The following STK32A variants were observed in gnomAD, a reference collection of about 807,000 sequenced individuals.
The protein encoded by STK32A is serine/threonine kinase 32A, also known as serine/threonine-protein kinase 32A.
In STK32A, 41 loss-of-function variants were observed where a neutral mutation model predicts 53.2. That is an observed-to-expected ratio of 0.77 (90% CI 0.60 to 1.00). The LOEUF is 1.00. STK32A is among the 50% of genes least tolerant of loss of function. The pLI, the probability that STK32A is intolerant of heterozygous loss-of-function variation, is 0.00. For missense variants in STK32A, 458 were observed against 485.8 expected (o/e 0.94, Z 0.54); for synonymous variants, 166 against 162.8 (o/e 1.02, Z -0.15).
intron 4 of STK32A, among the ~76,000 whole-genome samples, chr5:147,318,748 C>T (rs1195980991): frequency 1.3e-5 from 2 of 150,048 alleles, no homozygotes; most frequent in Non-Finnish European, 2.9e-5. Context: ...TGCACTGCAG[C>T]CTGGATGACA....
chr5:147,258,926 T>TATC (rs1455221063), intron 2 of STK32A, among the ~76,000 whole-genome samples: 1 of 152,170 alleles, frequency 6.6e-6, no homozygotes, highest in Non-Finnish European at 1.5e-5. Flanking sequence ...TTTTTTTTAT[T>TATC]ATTATTATTA....
intron 2 of STK32A, among the ~76,000 whole-genome samples, chr5:147,255,395 C>G (rs1754184095): frequency 6.6e-6 from 1 of 152,138 alleles, no homozygotes; most frequent in Admixed American, 6.5e-5. Flanking sequence ...CATCTACTTA[C>G]GGATGCACAG....
At chr5:147,301,601 A>C (rs1753140282) in intron 4 of STK32A, among the ~76,000 whole-genome samples, 1 of 152,204 alleles carries the variant, frequency 6.6e-6, no homozygotes. Context: ...CATATTTTGT[A>C]AATGTGGAAA....
intron 4 of STK32A, among the ~76,000 whole-genome samples, chr5:147,308,362 C>T (rs1006979283): frequency 6.6e-6 from 1 of 152,012 alleles, no homozygotes; most frequent in Admixed American, 6.6e-5. Context: ...TGCTTATATA[C>T]TAAAATACAA....
At position 147,348,943 on chromosome 5, in the gene STK32A, G is replaced by A; in HGVS notation, c.473-2122G>A. ...AGAGAGGATAAGTGACGTTTTCAAG[G>A]TAACACAGCTAGTTAGTGGTAGAAC... On this transcript the variant is annotated intron_variant, in intron 6 of 12. Transcript: ENST00000397936. 6.1e-6 allele frequency: 3 copies of A among 494,964 alleles called. No homozygotes were observed. The South Asian group carries it at 6.4e-5, about 11-fold the overall frequency. 30.7% of individuals were successfully genotyped at this position (494,964 alleles called of 1,614,324 possible). A position where few individuals can be genotyped will look rare whatever the true frequency, so the allele number is the denominator to read the frequency against.
At chr5:147,242,234 G>A (rs936391265) in intron 2 of STK32A, among the ~76,000 whole-genome samples, 2 of 152,160 alleles carry the variant, frequency 1.3e-5, no homozygotes, top group Admixed American at 6.5e-5. Context: ...CCTCCCAAAG[G>A]TGCTAGGCTC....
At chr5:147,329,373 C>G (rs911666097) in intron 5 of STK32A, among the ~76,000 whole-genome samples, 2 of 152,158 alleles carry the variant, frequency 1.3e-5, no homozygotes, top group African/African-American at 4.8e-5. Context: ...AGAAAAAAAT[C>G]TTAGGAATAA....
intron 2 of STK32A, among the ~76,000 whole-genome samples, chr5:147,240,522 G>C (rs1423930436): frequency 6.6e-6 from 1 of 152,168 alleles, no homozygotes; most frequent in Admixed American, 6.5e-5. Context: ...TTACTTGCTA[G>C]GCCCAAGCAG....
intron 5 of STK32A, among the ~76,000 whole-genome samples, chr5:147,329,354 T>C (rs1754751755): frequency 6.6e-6 from 1 of 152,164 alleles, no homozygotes; most frequent in Admixed American, 6.5e-5. Context: ...ATCAGTACCT[T>C]GACAGTGAAG....
chr5:147,379,329 C>T (rs1206364971), intron 11 of STK32A, among the ~76,000 whole-genome samples: 1 of 151,788 alleles, frequency 6.6e-6, no homozygotes, highest in Non-Finnish European at 1.5e-5. Flanking sequence ...TGTGTGCAAC[C>T]ATGATTGAGA....
chr5:147,343,253 C>T, intron 6 of STK32A: 1 of 740,570 alleles, frequency 1.4e-6, no homozygotes, highest in Non-Finnish European at 2.5e-6. Context: ...ATTGAATTTA[C>T]CTAATGAGAA....
At chr5:147,325,401 C>A (rs193240076) in intron 5 of STK32A, among the ~76,000 whole-genome samples, 1 of 152,100 alleles carries the variant, frequency 6.6e-6, no homozygotes, top group African/African-American at 2.4e-5. Context: ...TGTCCTCCTG[C>A]CTCAGCCTCC....
chr5:147,260,132 T>C (rs1451953447), intron 2 of STK32A, among the ~76,000 whole-genome samples: 1 of 141,632 alleles, frequency 7.1e-6, no homozygotes. Flanking sequence ...CTCTCTCTTC[T>C]CTGTCTCTCT....
At chr5:147,340,562 C>A (rs562636819) in intron 5 of STK32A, among the ~76,000 whole-genome samples, 1 of 152,238 alleles carries the variant, frequency 6.6e-6, no homozygotes, top group Admixed American at 6.5e-5. Context: ...TTTTCTCTCT[C>A]CTGGTATGTG....
the STK32A span, chr5:147,394,018 C>T: frequency 6.2e-7 from 1 of 1,613,602 alleles, no homozygotes; most frequent in Non-Finnish European, 8.5e-7. Flanking sequence ...CTGCCCCTCT[C>T]TTTGAGGAAG....
intron 4 of STK32A, among the ~76,000 whole-genome samples, chr5:147,292,659 G>A (rs750169133): frequency 4.5e-4 from 68 of 152,150 alleles, no homozygotes; most frequent in African/African-American, 1.4e-3. Flanking sequence ...ACCTGAGGTC[G>A]GGAGTTCGAG....
At chr5:147,287,634 T>C (rs980458015) in intron 4 of STK32A, among the ~76,000 whole-genome samples, 1 of 152,184 alleles carries the variant, frequency 6.6e-6, no homozygotes, top group Non-Finnish European at 1.5e-5. Flanking sequence ...TAATTTCAGC[T>C]TAAGCTCAGT....
intron 1 of STK32A, among the ~76,000 whole-genome samples, chr5:147,237,675 ACT>A (rs1478626206): frequency 6.6e-6 from 1 of 151,994 alleles, no homozygotes; most frequent in African/African-American, 2.4e-5. Flanking sequence ...CTAATTAATG[ACT>A]CTCTTTGCTC....
intron 1 of STK32A, among the ~76,000 whole-genome samples, chr5:147,237,483 C>T (rs1753372847): frequency 6.6e-6 from 1 of 152,136 alleles, no homozygotes; most frequent in Non-Finnish European, 1.5e-5. Context: ...ATAAAAAGTG[C>T]ATCCCACTTA....
Sources: allele counts gnomAD v4.1 joint callset (sites outside exome capture counted in the v4.1 genomes callset), GRCh38; gene constraint gnomAD v4.1.1; transcripts MANE v1.5; gene names NCBI Gene and HGNC (gene_info 2026-07-23, HGNC 2026-07-21).